The following GRIP2 variants were observed in gnomAD, a reference collection of about 807,000 sequenced individuals.
The protein encoded by GRIP2 is glutamate receptor-interacting protein 2.
A neutral mutation model predicts 108.3 loss-of-function variants in GRIP2; 58 were observed. That is an observed-to-expected ratio of 0.54 (90% CI 0.43 to 0.67). The LOEUF is 0.67. GRIP2 is among the 30% of genes least tolerant of loss of function. The pLI, the probability that GRIP2 is intolerant of heterozygous loss-of-function variation, is 0.00. For missense variants in GRIP2, 1,278 were observed against 1,430.6 expected, an observed-to-expected ratio of 0.89 and a Z score of 1.72; for synonymous variants, 586 against 598.2, an observed-to-expected ratio of 0.98 and a Z score of 0.30.
the GRIP2 span, among the ~76,000 whole-genome samples, chr3:14,587,639 CAAAA>C: frequency 5.6e-5 from 7 of 124,388 alleles, no homozygotes; most frequent in Non-Finnish European, 7.0e-5. Flanking sequence ...ATGCCATCTC[CAAAA>C]AAAAAAAAAA....
Position 14,511,495 on chromosome 3 carries a change from C to T in GRIP2, c.1721-16G>A. 1.2e-6 allele frequency: 2 copies of T among 1,612,264 alleles called. No individual in the cohort carries two copies. Among genetic ancestry groups the T allele is most frequent in the Non-Finnish European group, 1.7e-6 (2 of 1,179,672 alleles). On this transcript the variant is annotated splice_polypyrimidine_tract_variant and intron_variant, in intron 14 of 23. Coordinates refer to ENST00000621039, the MANE Select transcript of GRIP2 (RefSeq NM_001080423.4). The surrounding 1 kb of genome is among the most constrained non-coding windows in gnomAD (Gnocchi z 4.1). ...CTGCTGGCCGCTGGAGAAAAAGAGGCCATGAATCTGACCTTGGTGGCCTCA... is the reference window on the plus strand; with the variant it reads ...CTGCTGGCCGCTGGAGAAAAAGAGGTCATGAATCTGACCTTGGTGGCCTCA...
chr3:14,536,043 G>C (rs935463855), intron 1 of GRIP2, among the ~76,000 whole-genome samples: 1 of 152,216 alleles, frequency 6.6e-6, no homozygotes, highest in Non-Finnish European at 1.5e-5. Flanking sequence ...GAGCAGCATA[G>C]AAAGATCAGA....
intron 1 of GRIP2, among the ~76,000 whole-genome samples, chr3:14,551,660 A>G (rs1398451309): frequency 1.3e-5 from 2 of 152,174 alleles, no homozygotes; most frequent in African/African-American, 4.8e-5. Context: ...GCCTGGGGAT[A>G]GCAGAGCAGT....
the GRIP2 span, among the ~76,000 whole-genome samples, chr3:14,572,620 A>AAAAG: frequency 1.3e-5 from 2 of 148,254 alleles, no homozygotes; most frequent in Non-Finnish European, 3.0e-5. Flanking sequence ...TCAAAAAAAA[A>AAAAG]AAAAAAAAAA....
At chr3:14,555,298 C>T (rs533594190) in intron 1 of GRIP2, among the ~76,000 whole-genome samples, 1 of 152,184 alleles carries the variant, frequency 6.6e-6, no homozygotes, top group South Asian at 2.1e-4. Context: ...AGCGCCCCTG[C>T]CAGGCAACCC....
upstream of GRIP2, among the ~76,000 whole-genome samples, chr3:14,540,745 C>T (rs917793344): frequency 2.6e-5 from 4 of 152,000 alleles, no homozygotes; most frequent in African/African-American, 9.7e-5. This position sits in a 1 kb window ranked among gnomAD's most constrained non-coding sequence, Gnocchi z 4.1. Context: ...TTGCACAGAA[C>T]CCCAGGACAT....
intron 21 of GRIP2, among the ~76,000 whole-genome samples, chr3:14,498,090 G>A (rs1338795749): frequency 1.3e-5 from 2 of 152,186 alleles, no homozygotes; most frequent in African/African-American, 4.8e-5. Context: ...CCCACTATTA[G>A]TGCATAGTTC....
At chr3:14,572,619 A>AAAAAAAAAAAAAAAAAAAG in the GRIP2 span, among the ~76,000 whole-genome samples, 1 of 148,078 alleles carries the variant, frequency 6.8e-6, no homozygotes, top group African/African-American at 2.5e-5. Context: ...CTCAAAAAAA[A>AAAAAAAAAAAAAAAAAAAG]AAAAAAAAAA....
At chr3:14,516,406 A>G (rs1694248735) in intron 11 of GRIP2, among the ~76,000 whole-genome samples, 1 of 152,202 alleles carries the variant, frequency 6.6e-6, no homozygotes, top group South Asian at 2.1e-4. Flanking sequence ...CCCTTTCTGC[A>G]TCAACAAAGG....
the GRIP2 span, among the ~76,000 whole-genome samples, chr3:14,600,503 C>G: frequency 6.6e-6 from 1 of 152,178 alleles, no homozygotes; most frequent in Non-Finnish European, 1.5e-5. Flanking sequence ...TTTGTTGAGG[C>G]CTTAAATTAT....
chr3:14,602,101 C>CAGCG, the GRIP2 span: 1 of 152,336 alleles, frequency 6.6e-6, no homozygotes, highest in Non-Finnish European at 1.5e-5. The surrounding 1 kb of genome is among the most constrained non-coding windows in gnomAD (Gnocchi z 4.7). Context: ...CCAAAGTGAG[C>CAGCG]AGCGGGTGAG....
At chr3:14,526,696 A>T (rs1694563398) in intron 1 of GRIP2, among the ~76,000 whole-genome samples, 1 of 152,078 alleles carries the variant, frequency 6.6e-6, no homozygotes, top group African/African-American at 2.4e-5. Flanking sequence ...CCCTTCTCTC[A>T]TATTTTCCAT....
rs1694926669 is a variant in GRIP2 at position 14,540,098 on chromosome 3, T to C, written c.40+171A>G. Among the ~76,000 whole-genome samples, 1 of 151,878 alleles carries C rather than the reference T, an allele frequency of 6.6e-6. No individual in the cohort carries two copies. Among genetic ancestry groups the C allele is most frequent in the Non-Finnish European group, 1.5e-5 (1 of 67,944 alleles). On this transcript the variant is annotated intron_variant, in intron 1 of 23. Transcript: ENST00000621039. The surrounding 1 kb of genome is among the most constrained non-coding windows in gnomAD (Gnocchi z 4.1). ...TCCTGCTACAGGACAGTGGCCAGGG[T>C]CAGACAGACAGCCCCAGCAAGTGTC...
At chr3:14,519,293 T>G (rs1559342361) in intron 9 of GRIP2, among the ~76,000 whole-genome samples, 1 of 152,158 alleles carries the variant, frequency 6.6e-6, no homozygotes, top group African/African-American at 2.4e-5. Context: ...TTCCAGAAGA[T>G]GGGGTTTGCA....
rs747619464 is a variant in GRIP2, at chr3:14,511,507, C to T, written c.1721-28G>A. Reference sequence around the variant, plus strand: ...GGAGAAAAAGAGGCCATGAATCTGACCTTGGTGGCCTCAGCCTGGGGTGGG... The same window carrying T: ...GGAGAAAAAGAGGCCATGAATCTGATCTTGGTGGCCTCAGCCTGGGGTGGG... On this transcript the variant is annotated intron_variant, in intron 14 of 23. Coordinates refer to ENST00000621039, the MANE Select transcript of GRIP2 (RefSeq NM_001080423.4). The surrounding 1 kb of genome is among the most constrained non-coding windows in gnomAD (Gnocchi z 4.1). 4 of 1,609,942 alleles carry T rather than the reference C, an allele frequency of 2.5e-6. No individual in the cohort carries two copies. Among genetic ancestry groups the T allele is most frequent in the African/African-American group, 2.7e-5 (2 of 74,832 alleles).
At chr3:14,601,192 C>T in the GRIP2 span, among the ~76,000 whole-genome samples, 1 of 152,120 alleles carries the variant, frequency 6.6e-6, no homozygotes, top group East Asian at 1.9e-4. Context: ...GGACTGTGTG[C>T]TTTGCCAGGG....
At position 14,521,602 on chromosome 3, in the gene GRIP2, T is replaced by G; in HGVS notation, c.712+40A>C. The G allele has an allele frequency of 6.4e-7, 1 of 1,558,584 alleles. No homozygotes were observed. The highest frequency in any genetic ancestry group is 1.2e-5 in the South Asian group (1 of 82,732). ...CTGCCACCTCCCCCCATCCCAGGCC[T>G]CCTCCTGCCCCAACCCACACACTCA... On this transcript the variant is annotated intron_variant, in intron 7 of 23. Transcript: ENST00000621039. This position sits in a 1 kb window ranked among gnomAD's most constrained non-coding sequence, Gnocchi z 5.1.
At chr3:14,525,798 G>A in intron 2 of GRIP2, 53 bp downstream of exon 2, 2 of 1,518,626 alleles carry the variant, frequency 1.3e-6, no homozygotes, top group Non-Finnish European at 1.8e-6. Context: ...CCCCACCTAG[G>A]GCTCTCTGTG....
At chr3:14,573,366 T>G in the GRIP2 span, 1 of 1,341,618 alleles carries the variant, frequency 7.5e-7, no homozygotes, top group Non-Finnish European at 1.1e-6. Context: ...TGCCAGCTTC[T>G]CCAGGTCCCG....
Sources: gnomAD v4.1 joint callset for allele counts (sites outside exome capture counted in the v4.1 genomes callset) on GRCh38, gnomAD v4.1.1 for gene constraint, Gnocchi (gnomAD v3.1) non-coding constraint, MANE v1.5 for transcripts, NCBI Gene and HGNC (gene_info 2026-07-23, HGNC 2026-07-21) for gene names.